KCNIP1: variants seen among roughly 807,000 people sequenced by gnomAD.
KCNIP1 encodes potassium voltage-gated channel interacting protein 1, also known as A-type potassium channel modulatory protein KCNIP1.
A neutral mutation model predicts 33.0 loss-of-function variants in KCNIP1; 18 were observed. The observed-to-expected ratio is 0.55, with a 90% CI of 0.38 to 0.81. KCNIP1 has a LOEUF of 0.81. Among genes scored for constraint, KCNIP1 ranks in the 30% least tolerant of loss-of-function variants. The pLI is 0.00. For missense variants in KCNIP1, 238 were observed against 271.6 expected, an observed-to-expected ratio of 0.88 and a Z score of 0.87; for synonymous variants, 93 against 98.3, an observed-to-expected ratio of 0.95 and a Z score of 0.32.
intron 1 of KCNIP1, among the ~76,000 whole-genome samples, chr5:170,517,131 C>A (rs11741639): frequency 0.24 from 36,689 of 152,068 alleles, 4,565 homozygotes; most frequent in East Asian, 0.41. Context: ...TACAGGCTTT[C>A]CAGGAGGCAT....
At chr5:170,733,155 G>A (rs1164244185) in intron 6 of KCNIP1, among the ~76,000 whole-genome samples, 1 of 152,170 alleles carries the variant, frequency 6.6e-6, no homozygotes, top group Non-Finnish European at 1.5e-5. Flanking sequence ...ATAAAAATTT[G>A]GGGATCAGGG....
intron 1 of KCNIP1, among the ~76,000 whole-genome samples, chr5:170,592,590 A>G (rs1758300276): frequency 6.6e-6 from 1 of 152,244 alleles, no homozygotes; most frequent in East Asian, 1.9e-4. Flanking sequence ...GTTTGAAATC[A>G]GAGACTACTT....
intron 1 of KCNIP1, among the ~76,000 whole-genome samples, chr5:170,413,544 A>C (rs1015781307): frequency 1.3e-5 from 2 of 150,720 alleles, no homozygotes; most frequent in Non-Finnish European, 2.9e-5. Context: ...CTTCATCTGC[A>C]AGATGGGAAT....
chr5:170,722,434 C>G (rs9313520), intron 4 of KCNIP1, among the ~76,000 whole-genome samples: 36,930 of 151,838 alleles, frequency 0.24, 5,728 homozygotes, highest in East Asian at 0.81. Flanking sequence ...ACCACTGCAG[C>G]CATGGATAAG....
At chr5:170,498,028 G>A (rs960212924) in intron 1 of KCNIP1, among the ~76,000 whole-genome samples, 9 of 152,228 alleles carry the variant, frequency 5.9e-5, no homozygotes, top group Non-Finnish European at 1.3e-4. Context: ...ATGATCAACC[G>A]GGACAGATGA....
chr5:170,421,514 T>G (rs1755492268), intron 1 of KCNIP1, among the ~76,000 whole-genome samples: 1 of 152,202 alleles, frequency 6.6e-6, no homozygotes, highest in Non-Finnish European at 1.5e-5. Flanking sequence ...GATTAAGAGT[T>G]GGTGTCTGGT....
intron 1 of KCNIP1, among the ~76,000 whole-genome samples, chr5:170,636,265 G>A (rs1443218641): frequency 6.6e-6 from 1 of 152,188 alleles, no homozygotes; most frequent in Non-Finnish European, 1.5e-5. Flanking sequence ...ACGCTAGATG[G>A]GTTCACCAGG....
chr5:170,662,264 G>A (rs1436675188), intron 1 of KCNIP1, among the ~76,000 whole-genome samples: 1 of 152,144 alleles, frequency 6.6e-6, no homozygotes, highest in East Asian at 1.9e-4. Flanking sequence ...TCTAGGTAGG[G>A]TGTTCTTTCC....
intron 4 of KCNIP1, 50 bp downstream of exon 4, chr5:170,721,953 T>TC: frequency 6.3e-7 from 1 of 1,598,498 alleles, no homozygotes; most frequent in South Asian, 1.1e-5. Flanking sequence ...CTGCATCACC[T>TC]CCCCCTCTAA....
At chr5:170,439,414 T>A (rs1279655555) in intron 1 of KCNIP1, among the ~76,000 whole-genome samples, 1 of 150,910 alleles carries the variant, frequency 6.6e-6, no homozygotes, top group Non-Finnish European at 1.5e-5. Context: ...TCCAGGCAGG[T>A]CCCCTCGACA....
intron 1 of KCNIP1, among the ~76,000 whole-genome samples, chr5:170,646,487 A>T (rs184291884): frequency 5.5e-4 from 84 of 152,330 alleles, no homozygotes; most frequent in African/African-American, 1.9e-3. Flanking sequence ...TAAAGAAGAA[A>T]AATCATATAA....
At chr5:170,596,810 G>T (rs552898282) in intron 1 of KCNIP1, among the ~76,000 whole-genome samples, 1 of 152,338 alleles carries the variant, frequency 6.6e-6, no homozygotes, top group South Asian at 2.1e-4. Flanking sequence ...AAGCCAAATG[G>T]AGGTTGTCCA....
rs557635869 is a variant in KCNIP1 at position 170,551,828 on chromosome 5, G to A, written c.61+47195G>A. ...GTGTGAATGTGAGTATGTGATGTTT[G>A]AGTGTACGTGTTAGTGCATGTGTGA... On this transcript the variant is annotated intron_variant, in intron 1 of 7. Coordinates refer to ENST00000328939, the MANE Select transcript of KCNIP1 (RefSeq NM_014592.4). 1.4e-4 allele frequency among the ~76,000 whole-genome samples: 22 copies of A among 151,924 alleles called. No homozygotes were observed. The South Asian group carries it at 4.6e-3, about 32-fold the overall frequency.
chr5:170,519,564 A>G (rs1755276717), intron 1 of KCNIP1, among the ~76,000 whole-genome samples: 1 of 152,158 alleles, frequency 6.6e-6, no homozygotes, highest in African/African-American at 2.4e-5. Flanking sequence ...TGGGAAGAGG[A>G]TGGAAAATAA....
At chr5:170,562,450 T>A (rs758259747) in intron 1 of KCNIP1, among the ~76,000 whole-genome samples, 6 of 152,126 alleles carry the variant, frequency 3.9e-5, no homozygotes, top group Non-Finnish European at 8.8e-5. Flanking sequence ...GTTCCCAGAG[T>A]TGGGGAAAGT....
At chr5:170,730,131 C>T (rs1023450545) in intron 5 of KCNIP1, among the ~76,000 whole-genome samples, 1 of 151,914 alleles carries the variant, frequency 6.6e-6, no homozygotes, top group African/African-American at 2.4e-5. Context: ...TATGATATCT[C>T]AATTTTATAA....
At chr5:170,669,657 CTGGG>C in intron 1 of KCNIP1, 1 of 985,280 alleles carries the variant, frequency 1.0e-6, no homozygotes, top group Non-Finnish European at 1.2e-6. Flanking sequence ...CGGAGAGTTC[CTGGG>C]TATGAAGGTT....
chr5:170,488,188 T>C (rs545956584), intron 1 of KCNIP1, among the ~76,000 whole-genome samples: 67 of 152,366 alleles, frequency 4.4e-4, no homozygotes, highest in African/African-American at 1.6e-3. Flanking sequence ...ATTTCAGGGC[T>C]TCTTGACACT....
chr5:170,632,223 G>A (rs11960314), intron 1 of KCNIP1, among the ~76,000 whole-genome samples: 57,676 of 152,006 alleles, frequency 0.38, 11,580 homozygotes, highest in South Asian at 0.47. Flanking sequence ...ATACCCAGGC[G>A]AGCGAGCAAG....
Sources: allele counts gnomAD v4.1 joint callset (sites outside exome capture counted in the v4.1 genomes callset), GRCh38; gene constraint gnomAD v4.1.1; transcripts MANE v1.5; gene names NCBI Gene and HGNC (gene_info 2026-07-23, HGNC 2026-07-21).